The following GIT1 variants were observed in gnomAD, a reference collection of about 807,000 sequenced individuals.
GIT1 encodes ARF GTPase-activating protein GIT1.
A neutral mutation model predicts 91.7 loss-of-function variants in GIT1; 14 were observed. The observed-to-expected ratio is 0.15, with a 90% CI of 0.10 to 0.24. GIT1 has a LOEUF of 0.24. GIT1 is among the 10% of genes least tolerant of loss of function. GIT1 has a pLI of 1.00. For missense variants in GIT1, 717 were observed against 1,024.9 expected (o/e 0.70, Z 4.10); for synonymous variants, 414 against 418.2 (o/e 0.99, Z 0.12).
In GIT1 at chr17:29,576,420, G is replaced by C. The variant is rs2033203452; in HGVS notation, c.1411C>G (p.Leu471Val). ...IHKLQAENLQLRQPPGPVPTP... is the reference protein window; with the variant it reads ...IHKLQAENLQVRQPPGPVPTP... The stretch of plus-strand genomic sequence containing the variant: ...GGCACCGGCCCTGGAGGCTGCCGGA[G>C]CTGCAGGTTCTCCGCCTGCAGCTTG... The change falls in exon 14 of 20, where the codon CTC becomes GTC. Residue 471 changes from leucine (L) to valine (V), a missense_variant. Transcript: ENST00000225394. 2 of 1,612,928 alleles carry C rather than the reference G, an allele frequency of 1.2e-6. No individual in the cohort carries two copies. The highest frequency in any genetic ancestry group is 2.2e-5 in the South Asian group (2 of 91,074).
Position 29,581,735 on chromosome 17 carries a change from T to A in GIT1, c.718+7A>T, listed in dbSNP as rs1272008710. The A allele has an allele frequency of 1.9e-6, 3 of 1,607,050 alleles. No individual in the cohort carries two copies. The highest frequency in any genetic ancestry group is 2.5e-6 in the Non-Finnish European group (3 of 1,178,276). The stretch of plus-strand genomic sequence containing the variant: ...TCACAGCCAGGCGCCCCCCAAGCTC[T>A]GCTCACCCGGCTTGCGTCCACAGAG... On this transcript the variant is annotated splice_region_variant and intron_variant, in intron 6 of 19. Transcript: ENST00000225394. This position sits in a 1 kb window ranked among gnomAD's most constrained non-coding sequence, Gnocchi z 4.8.
rs755999294 is a variant in GIT1, at chr17:29,576,498, C to G, written c.1380+24G>C. On this transcript the variant is annotated intron_variant, in intron 13 of 19. Transcript: ENST00000225394. Reference sequence around the variant, plus strand: ...ACCCCCTGGAGTCCTGGGGCTCCCCCTCCCACCGAGGCTGCACCCTCACCT... The same window carrying G: ...ACCCCCTGGAGTCCTGGGGCTCCCCGTCCCACCGAGGCTGCACCCTCACCT... 5.0e-6 allele frequency: 8 copies of G among 1,613,402 alleles called. No individual in the cohort carries two copies. In the Admixed American group the frequency reaches 8.3e-5, roughly 17 times the overall value.
rs764542510 is a variant in GIT1, at chr17:29,577,244, G to T, written c.985C>A (p.Arg329=). The part of the protein sequence containing the change: ...PEYSATRNQG[R]QKLARFNARE... The stretch of plus-strand genomic sequence containing the variant: ...GCATTAAAGCGGGCCAGCTTTTGTC[G>T]CCCCTGCAAGGCAGAAAGGGCCAGG... The change falls in exon 11 of 20, where the codon CGA becomes AGA. Residue 329 remains arginine, a synonymous_variant. Transcript: ENST00000225394. 6.2e-7 allele frequency: 1 copy of T among 1,613,384 alleles called. No homozygotes were observed. The highest frequency in any genetic ancestry group is 8.5e-7 in the Non-Finnish European group (1 of 1,179,776).
Position 29,574,366 on chromosome 17 carries a change from T to G in GIT1, c.*336A>C. 9.0e-6 allele frequency: 3 copies of G among 333,066 alleles called. No homozygotes were observed. Among genetic ancestry groups the G allele is most frequent in the East Asian group, 7.1e-5 (1 of 14,106 alleles). The allele number at this position is 333,066 out of a possible 1,614,324, so 20.6% of individuals were successfully genotyped here. On this transcript the variant is annotated 3_prime_UTR_variant, in exon 20 of 20. Coordinates refer to ENST00000225394, the MANE Select transcript of GIT1 (RefSeq NM_014030.4). The stretch of plus-strand genomic sequence containing the variant: ...CGCATGTACGGAGAGCTGCCCCACT[T>G]GGAGTGTCCCCACCTGCCCCTTTGC...
Position 29,573,797 on chromosome 17 carries a change from C to G in GIT1, c.*905G>C, listed in dbSNP as rs1432967085. On this transcript the variant is annotated 3_prime_UTR_variant, in exon 20 of 20. Coordinates refer to ENST00000225394, the MANE Select transcript of GIT1 (RefSeq NM_014030.4). ...AGGCTCAGGTGCTCAGTCCTCCACC[C>G]TAGCCAGCACACATTCCCCCTCCAC... 2 of 152,646 alleles carry G rather than the reference C, an allele frequency of 1.3e-5. No individual in the cohort carries two copies. The highest frequency in any genetic ancestry group is 4.8e-5 in the African/African-American group (2 of 41,444). 9.5% of individuals were successfully genotyped at this position (152,646 alleles called of 1,614,324 possible). A position where few individuals can be genotyped will look rare whatever the true frequency, so the allele number is the denominator to read the frequency against.
intron 1 of GIT1, 194 bp from the exon 2 acceptor site, chr17:29,583,810 T>A (rs113751684): frequency 1.8e-5 from 11 of 619,312 alleles, no homozygotes; most frequent in African/African-American, 1.3e-4. Context: ...AGCTGGGGGC[T>A]GACAGAGCCA....
chr17:29,582,832 A>G, intron 3 of GIT1, 29 bp from the exon 4 acceptor site: 1 of 1,591,790 alleles, frequency 6.3e-7, no homozygotes, highest in Non-Finnish European at 8.6e-7. Flanking sequence ...AGGAATGGGG[A>G]GCATGGTGGG....
chr17:29,577,544 C>A (rs2033255367), intron 10 of GIT1, 101 bp downstream of exon 10: 1 of 826,006 alleles, frequency 1.2e-6, no homozygotes, highest in Non-Finnish European at 2.1e-6. Context: ...GAGGCCCTGG[C>A]AAATGCTGGA....
At chr17:29,582,245 A>G (rs1234810149) in intron 4 of GIT1, 101 bp from the exon 5 acceptor site, 7 of 862,890 alleles carry the variant, frequency 8.1e-6, no homozygotes, top group Admixed American at 6.3e-5. Context: ...TAGCAGCTCC[A>G]AGGAGGCCTG....
At chr17:29,584,184 T>C (rs562598868) in intron 1 of GIT1, among the ~76,000 whole-genome samples, 3 of 152,354 alleles carry the variant, frequency 2.0e-5, no homozygotes, top group Non-Finnish European at 2.9e-5. Flanking sequence ...TGGGCTTGAC[T>C]GGGCACCCAC....
chr17:29,587,243 G>A (rs1231857480), intron 1 of GIT1, among the ~76,000 whole-genome samples: 1 of 152,108 alleles, frequency 6.6e-6, no homozygotes, highest in African/African-American at 2.4e-5. Flanking sequence ...TGCATGCCAG[G>A]GCCAGCATCC....
In GIT1 at chr17:29,575,392, T is replaced by A; in HGVS notation, c.1905A>T (p.Leu635=). 1 of 1,613,572 alleles carries A rather than the reference T, an allele frequency of 6.2e-7. No individual in the cohort carries two copies. The highest frequency in any genetic ancestry group is 8.5e-7 in the Non-Finnish European group (1 of 1,179,660). The change falls in exon 18 of 20, where the codon CTA becomes CTT. Residue 635 remains leucine, a synonymous_variant. Coordinates refer to ENST00000225394, the MANE Select transcript of GIT1 (RefSeq NM_014030.4). The surrounding 1 kb of genome is among the most constrained non-coding windows in gnomAD (Gnocchi z 5.5). ...HPELESLDGD[L]DPGLPSTEDV... is the part of the protein sequence containing the mutation. ...CCTCTGTGCTGGGAAGCCCAGGATCTAGGTCTCCATCCAGGCTTTCCAGCT... is the reference window on the plus strand; with the variant it reads ...CCTCTGTGCTGGGAAGCCCAGGATCAAGGTCTCCATCCAGGCTTTCCAGCT...
chr17:29,574,334 G>C lies in GIT1; in HGVS notation c.*368C>G, dbSNP rs540096788. ...CAGTAGGGCTGAACTGGCTCATGGG[G>C]GTGGGGCGCATGTACGGAGAGCTGC... On this transcript the variant is annotated 3_prime_UTR_variant, in exon 20 of 20. Transcript: ENST00000225394. 1 of 287,930 alleles carries C rather than the reference G, an allele frequency of 3.5e-6. No homozygotes were observed. The highest frequency in any genetic ancestry group is 4.8e-5 in the Admixed American group (1 of 20,734). The allele number at this position is 287,930 out of a possible 1,614,324, so 17.8% of individuals were successfully genotyped here.
At position 29,589,380 on chromosome 17, in the gene GIT1, C is replaced by A; in HGVS notation, c.-2G>T. Reference sequence around the variant, plus strand: ...CGCTCGCGGCCCCTTTCGGGACATCCTCAGCGGCGACGCGGCCGCAGCCCT... The same window carrying A: ...CGCTCGCGGCCCCTTTCGGGACATCATCAGCGGCGACGCGGCCGCAGCCCT... On this transcript the variant is annotated 5_prime_UTR_variant, in exon 1 of 20. The change creates a new upstream start codon in the 5' untranslated region. Transcript: ENST00000225394. This position sits in a 1 kb window ranked among gnomAD's most constrained non-coding sequence, Gnocchi z 5.2. The A allele has an allele frequency of 9.4e-7, 1 of 1,063,012 alleles. No homozygotes were observed. The highest frequency in any genetic ancestry group is 2.7e-5 in the South Asian group (1 of 36,610). 65.8% of individuals were successfully genotyped at this position (1,063,012 alleles called of 1,614,324 possible).
At position 29,586,366 on chromosome 17, in the gene GIT1, C is replaced by T. The variant is rs115898943; in HGVS notation, c.53-2750G>A. ...GCTCACCAGCTATCATTAGTGTTAGCGTATTTTAGGTGTGGCCCAAGAAAA... is the reference window on the plus strand; with the variant it reads ...GCTCACCAGCTATCATTAGTGTTAGTGTATTTTAGGTGTGGCCCAAGAAAA... On this transcript the variant is annotated intron_variant, in intron 1 of 19. Coordinates refer to ENST00000225394, the MANE Select transcript of GIT1 (RefSeq NM_014030.4). Among the ~76,000 whole-genome samples, 1,442 of 152,078 alleles carry T rather than the reference C, an allele frequency of 9.5e-3. 20 individuals carry two copies. Among genetic ancestry groups the T allele is most frequent in the African/African-American group, 0.033 (1,353 of 41,446 alleles).
intron 7 of GIT1, chr17:29,579,133 C>CA: frequency 1.4e-6 from 1 of 697,554 alleles, no homozygotes; most frequent in Non-Finnish European, 2.6e-6. Context: ...GAATTCATCT[C>CA]ACCGCGTCCC....
At position 29,578,733 on chromosome 17, in the gene GIT1, C is replaced by T; in HGVS notation, c.808G>A (p.Ala270Thr). The T allele has an allele frequency of 6.2e-7, 1 of 1,613,346 alleles. No individual in the cohort carries two copies. Among genetic ancestry groups the T allele is most frequent in the Non-Finnish European group, 8.5e-7 (1 of 1,179,254 alleles). ...LAKAAKKKLQ[A>T]LSNRLFEELA... ...GGGCACTGTTGGAGCAGACTTACCGCCTGCAGCTTCTTCTTAGCAGCTTTG... is the reference window on the plus strand; with the variant it reads ...GGGCACTGTTGGAGCAGACTTACCGTCTGCAGCTTCTTCTTAGCAGCTTTG... Residue 270 changes from alanine to threonine, a missense_variant and splice_region_variant, in exon 8 of 20, where the codon GCG (alanine) becomes ACG (threonine). Physicochemically the swap from Ala to Thr is moderately conservative, Grantham distance 58 (BLOSUM62 0). Around this residue, in one of 3 missense-constraint regions of GIT1, gnomAD observed 271 missense variants for 451.6 expected, o/e 0.60. Transcript: ENST00000225394.
intron 7 of GIT1, chr17:29,579,307 C>G: frequency 2.3e-6 from 1 of 428,010 alleles, no homozygotes; most frequent in Non-Finnish European, 4.2e-6. Context: ...GTTTCTTAAT[C>G]TCCCTCCTTC....
chr17:29,578,666 GC>G (rs1363305472), intron 8 of GIT1, 64 bp downstream of exon 8: 1 of 1,384,992 alleles, frequency 7.2e-7, no homozygotes, highest in Non-Finnish European at 1.0e-6. Flanking sequence ...GGAAGCAAGA[GC>G]AGAGGGTGGG....
Sources: gnomAD v4.1 joint callset for allele counts (sites outside exome capture counted in the v4.1 genomes callset) on GRCh38, gnomAD v4.1.1 for gene constraint, gnomAD v4.1.1 regional missense constraint, Gnocchi (gnomAD v3.1) non-coding constraint, MANE v1.5 for transcripts, NCBI Gene and HGNC (gene_info 2026-07-23, HGNC 2026-07-21) for gene names.